Variants in GPC5 observed in about 807,000 individuals in gnomAD.
GPC5 encodes the protein glypican 5.
A neutral mutation model predicts 53.9 loss-of-function variants in GPC5; 47 were observed. That is an observed-to-expected ratio of 0.87 (90% CI 0.69 to 1.11). The LOEUF (loss-of-function observed/expected upper bound fraction) is 1.11. Among genes scored for constraint, GPC5 ranks in the 50% most tolerant of loss-of-function variants. GPC5 has a pLI of 0.00. For missense variants in GPC5, 748 were observed against 713.1 expected (o/e 1.05, Z -0.56); for synonymous variants, 286 against 263.3 (o/e 1.09, Z -0.84).
At chr13:92,733,132 G>T (rs906106677) in intron 7 of GPC5, among the ~76,000 whole-genome samples, 1 of 151,640 alleles carries the variant, frequency 6.6e-6, no homozygotes, top group Non-Finnish European at 1.5e-5. Context: ...ATGGTTTGAA[G>T]AAGATAGAAT....
intron 2 of GPC5, among the ~76,000 whole-genome samples, chr13:91,517,095 C>A (rs1256282182): frequency 6.6e-6 from 1 of 152,148 alleles, no homozygotes; most frequent in African/African-American, 2.4e-5. Flanking sequence ...GGCCTGGAGA[C>A]ATTTTCCCCA....
In GPC5 at chr13:92,031,732, C is replaced by T. The variant is rs1489134850; in HGVS notation, c.1402-113098C>T. ...TATATTACATATATGTAATATATTA[C>T]ATATTATATATAATATATATTATAT... is the stretch of plus-strand genomic sequence containing the variant. On this transcript the variant is annotated intron_variant, in intron 6 of 7. Transcript: ENST00000377067. Among the ~76,000 whole-genome samples, 58 of 30,554 alleles carry T rather than the reference C, an allele frequency of 1.9e-3. 8 individuals carry two copies. The highest frequency in any genetic ancestry group is 0.015 in the Middle Eastern group (1 of 66). The allele number at this position is 30,554 out of a possible 152,430, so 20.0% of individuals were successfully genotyped here. A position where few individuals can be genotyped will look rare whatever the true frequency, so the allele number is the denominator to read the frequency against.
At chr13:92,210,898 G>A (rs977910454) in intron 7 of GPC5, among the ~76,000 whole-genome samples, 2 of 152,104 alleles carry the variant, frequency 1.3e-5, no homozygotes, top group Non-Finnish European at 2.9e-5. Flanking sequence ...CAGACATCAC[G>A]CTTACTTCTT....
At chr13:92,682,964 C>A (rs756481084) in intron 7 of GPC5, among the ~76,000 whole-genome samples, 17 of 152,036 alleles carry the variant, frequency 1.1e-4, no homozygotes, top group Non-Finnish European at 2.4e-4. Context: ...AAAATACACA[C>A]GGCCAAGAAT....
At chr13:92,404,855 G>C (rs76713808) in intron 7 of GPC5, among the ~76,000 whole-genome samples, 1,824 of 149,720 alleles carry the variant, frequency 0.012, 155 homozygotes, top group African/African-American at 0.043. Flanking sequence ...TATTTATTAA[G>C]GTGGTACTTT....
chr13:91,645,168 A>C (rs1012914227), intron 2 of GPC5, among the ~76,000 whole-genome samples: 4 of 152,220 alleles, frequency 2.6e-5, no homozygotes, highest in Non-Finnish European at 2.9e-5. Flanking sequence ...AAGCTCTTTC[A>C]ACAGGTACTT....
intron 7 of GPC5, among the ~76,000 whole-genome samples, chr13:92,663,856 CTATATATATATATATATA>C (rs201565650): frequency 0.11 from 9,321 of 88,086 alleles, 689 homozygotes; most frequent in Admixed American, 0.15. Context: ...CACACACACA[CTATATATATATATATATA>C]TATATATATA....
intron 5 of GPC5, among the ~76,000 whole-genome samples, chr13:91,812,636 G>A (rs553592485): frequency 6.6e-6 from 1 of 152,116 alleles, no homozygotes; most frequent in Non-Finnish European, 1.5e-5. Flanking sequence ...ATTCATTTTT[G>A]TTTGGTATAT....
chr13:92,819,086 A>C (rs764829810), intron 7 of GPC5, among the ~76,000 whole-genome samples: 15 of 151,988 alleles, frequency 9.9e-5, no homozygotes, highest in Non-Finnish European at 2.1e-4. Context: ...TGTGAGGTGC[A>C]ATTCATTTTG....
intron 7 of GPC5, among the ~76,000 whole-genome samples, chr13:92,455,292 G>C (rs1192094709): frequency 6.6e-6 from 1 of 152,106 alleles, no homozygotes; most frequent in Admixed American, 6.5e-5. Context: ...GCTTATCTCA[G>C]TATTCTGCTC....
At chr13:92,849,917 A>T (rs1360761517) in intron 7 of GPC5, among the ~76,000 whole-genome samples, 1 of 152,180 alleles carries the variant, frequency 6.6e-6, no homozygotes, top group Non-Finnish European at 1.5e-5. Context: ...GATGCTGACC[A>T]ATTAGAACAG....
intron 2 of GPC5, among the ~76,000 whole-genome samples, chr13:91,474,745 A>G (rs1191005825): frequency 6.6e-6 from 1 of 152,162 alleles, no homozygotes; most frequent in African/African-American, 2.4e-5. Flanking sequence ...GCTACCTCAA[A>G]TATAGTTGAT....
intron 2 of GPC5, among the ~76,000 whole-genome samples, chr13:91,649,301 T>C (rs1424836452): frequency 6.6e-6 from 1 of 152,152 alleles, no homozygotes. Context: ...TTGGGTGACA[T>C]CTTTCTCTGT....
At chr13:91,759,319 C>T (rs565913727) in intron 5 of GPC5, among the ~76,000 whole-genome samples, 24 of 151,070 alleles carry the variant, frequency 1.6e-4, no homozygotes, top group African/African-American at 5.2e-4. Flanking sequence ...GTAATAATCA[C>T]ATCAGGGTAA....
chr13:91,410,254 A>G (rs1394545627), intron 1 of GPC5, among the ~76,000 whole-genome samples: 1 of 152,134 alleles, frequency 6.6e-6, no homozygotes, highest in Non-Finnish European at 1.5e-5. Context: ...TGATTCTATT[A>G]CAAAATGTTC....
chr13:91,448,732 A>G (rs1880971144), intron 1 of GPC5, 29 bp from the exon 2 acceptor site: 2 of 1,606,330 alleles, frequency 1.2e-6, no homozygotes, highest in South Asian at 2.2e-5. Context: ...TGAACAGGTA[A>G]TCATTCTGAA....
At chr13:92,160,685 C>T (rs1397940931) in intron 7 of GPC5, among the ~76,000 whole-genome samples, 2 of 152,150 alleles carry the variant, frequency 1.3e-5, no homozygotes, top group Non-Finnish European at 2.9e-5. Context: ...ATAAAACTAT[C>T]TCTCTGAAGA....
chr13:92,283,866 G>C (rs1168942782), intron 7 of GPC5, among the ~76,000 whole-genome samples: 3 of 152,134 alleles, frequency 2.0e-5, no homozygotes, highest in Non-Finnish European at 4.4e-5. Flanking sequence ...TCAAAAGCTA[G>C]CAGAAGGCAA....
intron 6 of GPC5, among the ~76,000 whole-genome samples, chr13:92,115,805 C>T (rs968762445): frequency 1.8e-4 from 28 of 152,000 alleles, no homozygotes; most frequent in Non-Finnish European, 3.2e-4. Context: ...TTGTGGTGCA[C>T]CCCCCACCCC....
Sources: allele counts gnomAD v4.1 joint callset (sites outside exome capture counted in the v4.1 genomes callset), GRCh38; gene constraint gnomAD v4.1.1; transcripts MANE v1.5; gene names NCBI Gene and HGNC (gene_info 2026-07-23, HGNC 2026-07-21).